SPOCD1: variants seen among roughly 807,000 people sequenced by gnomAD.
SPOCD1 encodes the protein SPOC domain containing 1.
Under a neutral mutation model 92.2 loss-of-function variants are expected in SPOCD1, and 64 were observed. The observed-to-expected ratio is 0.69, with a 90% CI of 0.57 to 0.86. The LOEUF (loss-of-function observed/expected upper bound fraction) is 0.86, where lower values mean the gene tolerates loss of function less well. SPOCD1 is among the 40% of genes least tolerant of loss of function. The pLI, the probability that SPOCD1 is intolerant of heterozygous loss-of-function variation, is 0.00. For synonymous variants in SPOCD1, 578 were observed against 619.3 expected (o/e 0.93, Z 0.99); for missense variants, 1,360 against 1,543.1 (o/e 0.88, Z 1.99).
At position 31,792,259 on chromosome 1, in the gene SPOCD1, G is replaced by C; in HGVS notation, c.2918C>G (p.Ala973Gly). Residue 973 changes from alanine (A) to glycine (G), a missense_variant, in exon 15 of 16, where the codon GCC (alanine) becomes GGC (glycine). Coordinates refer to ENST00000360482, the MANE Select transcript of SPOCD1 (RefSeq NM_144569.7). ...HMGMVLLPLP[A>G]FQPLPTRLRP... ...CAGCCTGGTGGGCAGGGGCTGGAAG[G>C]CAGGCAGGGGCAGCAGGACCATCCC... 6.2e-7 allele frequency: 1 copy of C among 1,612,508 alleles called. No homozygotes were observed. The highest frequency in any genetic ancestry group is 8.5e-7 in the Non-Finnish European group (1 of 1,179,446).
Position 31,790,742 on chromosome 1 carries a change from G to T in SPOCD1, c.3512C>A (p.Thr1171Asn). The change falls in exon 16 of 16, where the codon ACC becomes AAC. Residue 1171 changes from threonine (T) to asparagine (N), a missense_variant. Physicochemically the swap from Thr to Asn is moderately conservative, Grantham distance 65. This residue lies in a region of SPOCD1 where 614 missense variants were observed against 757.8 expected (regional missense o/e 0.81). Transcript: ENST00000360482. ...HQLQALLCPQTKSSIPRPLQR... is the reference protein window; with the variant it reads ...HQLQALLCPQNKSSIPRPLQR... ...CAGAGGGCGGGGGATGGAGCTCTTG[G>T]TCTGGGGGCACAGTAAGGCTTGGAG... 1 of 1,552,126 alleles carries T rather than the reference G, an allele frequency of 6.4e-7. No individual in the cohort carries two copies. Among genetic ancestry groups the T allele is most frequent in the Non-Finnish European group, 8.7e-7 (1 of 1,147,170 alleles).
At chr1:31,810,094 G>T (rs561562275) in intron 2 of SPOCD1, among the ~76,000 whole-genome samples, 10 of 151,878 alleles carry the variant, frequency 6.6e-5, no homozygotes, top group Non-Finnish European at 1.3e-4. Flanking sequence ...CTCCCCTCTG[G>T]ACATCCACAG....
In SPOCD1 at chr1:31,794,201, G is replaced by A. The variant is rs1482162848; in HGVS notation, c.2306C>T (p.Ala769Val). The change falls in exon 11 of 16, where the codon GCC becomes GTC. Residue 769 changes from alanine to valine, a missense_variant. Around this residue, in one of 3 missense-constraint regions of SPOCD1, gnomAD observed 614 missense variants for 757.8 expected, o/e 0.81. Transcript: ENST00000360482. ...PQMFMDCSPQ[A>V]LPIASEDTTG... ...GGTGTCCTCTGATGCGATGGGCAGG[G>A]CCTGTGGGCTGCAGTCCATGAACAT... The A allele has an allele frequency of 1.2e-6, 2 of 1,614,030 alleles. No homozygotes were observed. The highest frequency in any genetic ancestry group is 1.7e-4 in the Middle Eastern group (1 of 6,056).
rs769834756 is a variant in SPOCD1 at position 31,792,748 on chromosome 1, C to T, written c.2705G>A (p.Arg902His). 1.2e-5 allele frequency: 19 copies of T among 1,606,106 alleles called. No individual in the cohort carries two copies. Among genetic ancestry groups the T allele is most frequent in the Middle Eastern group, 1.7e-4 (1 of 5,884 alleles). The stretch of plus-strand genomic sequence containing the variant: ...GTTGGAGGGGATGCAGCCTGCCGAG[C>T]GGATCACGGTGGGCAGAGCCTAGGG... ...RLVQALPTVI[R>H]SAGCIPSNIV... Residue 902 changes from arginine (R) to histidine (H), a missense_variant, in exon 14 of 16, where the codon CGC becomes CAC. By Grantham distance (29) the Arg-to-His change is conservative. Coordinates refer to ENST00000360482, the MANE Select transcript of SPOCD1 (RefSeq NM_144569.7).
Position 31,792,202 on chromosome 1 carries a change from A to T in SPOCD1, c.2962+13T>A. 1 of 1,590,010 alleles carries T rather than the reference A, an allele frequency of 6.3e-7. No individual in the cohort carries two copies. Among genetic ancestry groups the T allele is most frequent in the Non-Finnish European group, 8.6e-7 (1 of 1,168,460 alleles). On this transcript the variant is annotated intron_variant, in intron 15 of 15. Coordinates refer to ENST00000360482, the MANE Select transcript of SPOCD1 (RefSeq NM_144569.7). ...AGCAGAGGCAGGGTCTGGTATGGGG[A>T]CTAGGCACTCACCTGGGCCCCCCAA...
intron 1 of SPOCD1, chr1:31,815,629 T>C (rs1649512360): frequency 3.0e-6 from 1 of 332,496 alleles, no homozygotes; most frequent in African/African-American, 2.1e-5. Flanking sequence ...GTTCACACAT[T>C]CGCTTAAATG....
At chr1:31,793,613 AAGT>A in intron 12 of SPOCD1, 131 bp downstream of exon 12, 1 of 1,531,376 alleles carries the variant, frequency 6.5e-7, no homozygotes. Context: ...CAGATGGGGA[AAGT>A]GAGGTTCCCA....
In SPOCD1 at chr1:31,791,162, C is replaced by T; in HGVS notation, c.3092G>A (p.Gly1031Glu). Residue 1031 changes from glycine to glutamate, a missense_variant, in exon 16 of 16, where the codon GGG becomes GAG. Gly to Glu is a moderately conservative substitution (Grantham distance 98, BLOSUM62 -2). Transcript: ENST00000360482. ...PDTAGSSPWL[G>E]KVQKMVSFNS... ...GAAGGAGACCATCTTTTGAACCTTC[C>T]CCAACCAGGGGCTGGACCCTGCTGT... 6.2e-7 allele frequency: 1 copy of T among 1,612,958 alleles called. No individual in the cohort carries two copies. The highest frequency in any genetic ancestry group is 8.5e-7 in the Non-Finnish European group (1 of 1,179,676).
intron 2 of SPOCD1, among the ~76,000 whole-genome samples, chr1:31,807,848 G>A (rs1293782366): frequency 2.0e-5 from 3 of 152,148 alleles, no homozygotes; most frequent in Non-Finnish European, 4.4e-5. Flanking sequence ...AGGCTATTGT[G>A]AAATACTGTA....
At chr1:31,809,366 T>C (rs974781353) in intron 2 of SPOCD1, among the ~76,000 whole-genome samples, 17 of 152,088 alleles carry the variant, frequency 1.1e-4, no homozygotes, top group Non-Finnish European at 2.4e-4. Context: ...GATGGGGGTG[T>C]ATACTATTTC....
chr1:31,793,810 G>A lies in SPOCD1; in HGVS notation c.2471C>T (p.Thr824Ile). Residue 824 changes from threonine (T) to isoleucine (I), a missense_variant, in exon 12 of 16, where the codon ACT becomes ATT. Thr to Ile is a moderately conservative substitution (Grantham distance 89). Coordinates refer to ENST00000360482, the MANE Select transcript of SPOCD1 (RefSeq NM_144569.7). ...GGGCATCTCTGGAGCAGGCATAGGA[G>A]TTTGGCTTAGGGCTTTCTGGAAGAT... Reference protein sequence around the residue: ...DNIFQKALSQTPMPAPEMPKT... With the variant: ...DNIFQKALSQIPMPAPEMPKT... 6.2e-7 allele frequency: 1 copy of A among 1,614,242 alleles called. No homozygotes were observed. The highest frequency in any genetic ancestry group is 8.5e-7 in the Non-Finnish European group (1 of 1,180,036).
In SPOCD1 at chr1:31,814,893, C is replaced by T; in HGVS notation, c.441G>A (p.Leu147=). The change falls in exon 2 of 16, where the codon CTG becomes CTA. Residue 147 remains leucine, a synonymous_variant. Coordinates refer to ENST00000360482, the MANE Select transcript of SPOCD1 (RefSeq NM_144569.7). The surrounding 1 kb of genome is among the most constrained non-coding windows in gnomAD (Gnocchi z 4.2). ...SRSAGLPERA[L]ACRERLAGVE... Reference sequence around the variant, plus strand: ...CTCCTGCAAGCCTCTCCCTGCAGGCCAGAGCTCTCTCTGGGAGGCCAGCAG... The same window carrying T: ...CTCCTGCAAGCCTCTCCCTGCAGGCTAGAGCTCTCTCTGGGAGGCCAGCAG... 1.2e-6 allele frequency: 2 copies of T among 1,613,770 alleles called. No individual in the cohort carries two copies. Among genetic ancestry groups the T allele is most frequent in the Non-Finnish European group, 1.7e-6 (2 of 1,180,004 alleles).
intron 12 of SPOCD1, 70 bp downstream of exon 12, chr1:31,793,677 T>C: frequency 1.2e-6 from 2 of 1,609,998 alleles, no homozygotes; most frequent in Non-Finnish European, 1.7e-6. Context: ...GTGCTATGTC[T>C]GTTGCACCAG....
intron 3 of SPOCD1, 61 bp from the exon 4 acceptor site, chr1:31,800,678 T>C: frequency 1.4e-6 from 2 of 1,407,822 alleles, no homozygotes; most frequent in Non-Finnish European, 9.6e-7. Context: ...GCCTTCAGAG[T>C]GCTCGCCTCA....
chr1:31,796,415 A>T, intron 10 of SPOCD1, 175 bp downstream of exon 10: 1 of 1,011,136 alleles, frequency 9.9e-7, no homozygotes, highest in Non-Finnish European at 1.5e-6. Context: ...TGCCAGCAGC[A>T]CTGTCCCACC....
intron 10 of SPOCD1, chr1:31,795,154 C>T (rs182407989): frequency 1.3e-5 from 2 of 152,350 alleles, no homozygotes; most frequent in African/African-American, 4.8e-5. Flanking sequence ...TTTAAAGACT[C>T]TTGACGTCTA....
At chr1:31,794,725 G>C (rs1033003734) in intron 10 of SPOCD1, 2 of 152,484 alleles carry the variant, frequency 1.3e-5, no homozygotes, top group Non-Finnish European at 2.9e-5. Context: ...TGGTTGGCCA[G>C]GATGGTCTCC....
At chr1:31,800,659 G>A (rs1421146509) in intron 3 of SPOCD1, 42 bp from the exon 4 acceptor site, 27 of 1,523,624 alleles carry the variant, frequency 1.8e-5, no homozygotes, top group East Asian at 4.7e-5. Context: ...GGGGCCAGCC[G>A]CTGTCCCCGC....
At chr1:31,801,577 T>C (rs1424448112) in intron 3 of SPOCD1, 87 bp downstream of exon 3, 1 of 1,253,098 alleles carries the variant, frequency 8.0e-7, no homozygotes, top group Non-Finnish European at 1.2e-6. Context: ...GGGTAGGATC[T>C]CCACATCTAC....
Sources: allele counts gnomAD v4.1 joint callset (sites outside exome capture counted in the v4.1 genomes callset), GRCh38; gene constraint gnomAD v4.1.1; regional missense constraint gnomAD v4.1.1; non-coding constraint Gnocchi (gnomAD v3.1); transcripts MANE v1.5; gene names NCBI Gene and HGNC (gene_info 2026-07-23, HGNC 2026-07-21).